AAGAB: variants seen among roughly 807,000 people sequenced by gnomAD.
AAGAB encodes the protein alpha and gamma adaptin binding protein.
In AAGAB, 38 loss-of-function variants were observed where a neutral mutation model predicts 44.1. The observed-to-expected ratio is 0.86, with a 90% CI of 0.67 to 1.13. AAGAB has a LOEUF of 1.13. Ranked by LOEUF, AAGAB falls within the 50% of genes most tolerant of loss-of-function variation. The pLI is 0.00. For missense variants in AAGAB, 450 were observed against 373.8 expected, an observed-to-expected ratio of 1.20 and a Z score of -1.68; for synonymous variants, 131 against 131.8, an observed-to-expected ratio of 0.99 and a Z score of 0.04.
chr15:67,249,090 A>G (rs1964798526), intron 1 of AAGAB, among the ~76,000 whole-genome samples: 1 of 152,106 alleles, frequency 6.6e-6, no homozygotes, highest in South Asian at 2.1e-4. Context: ...GCTGGAGTGC[A>G]GTGGCGTGAT....
chr15:67,240,574 C>G (rs1023468400), intron 1 of AAGAB, among the ~76,000 whole-genome samples: 3 of 152,176 alleles, frequency 2.0e-5, no homozygotes, highest in Admixed American at 6.5e-5. Context: ...AGTTAGATGC[C>G]AACCCAGTTC....
At chr15:67,206,262 C>G (rs1173753627) in intron 7 of AAGAB, among the ~76,000 whole-genome samples, 1 of 152,182 alleles carries the variant, frequency 6.6e-6, no homozygotes, top group Admixed American at 6.5e-5. Context: ...ATTACCTTCT[C>G]ACTGCATCCT....
chr15:67,203,849 G>T (rs747595295), intron 8 of AAGAB, among the ~76,000 whole-genome samples, 195 bp downstream of exon 8: 9 of 151,648 alleles, frequency 5.9e-5, no homozygotes, highest in Admixed American at 4.6e-4. Context: ...AAAGTAAAAA[G>T]AAAGAGAACG....
chr15:67,245,125 T>G (rs997386975), intron 1 of AAGAB, among the ~76,000 whole-genome samples: 8 of 152,058 alleles, frequency 5.3e-5, no homozygotes, highest in African/African-American at 1.9e-4. Context: ...CAAATATAAA[T>G]TTACCATATG....
chr15:67,232,266 AG>A (rs1964357369), intron 4 of AAGAB, among the ~76,000 whole-genome samples: 1 of 151,490 alleles, frequency 6.6e-6, no homozygotes, highest in Non-Finnish European at 1.5e-5. Flanking sequence ...AAAAAAAAAA[AG>A]TTACGTATAT....
chr15:67,235,477 C>T (rs993762476), intron 4 of AAGAB, among the ~76,000 whole-genome samples: 4 of 151,942 alleles, frequency 2.6e-5, no homozygotes, highest in African/African-American at 7.3e-5. Flanking sequence ...CCAGCAATAG[C>T]GGAGGACAGC....
rs149805395 is a variant in AAGAB, at chr15:67,245,433, T to C, written c.74-8613A>G. 6.6e-3 allele frequency among the ~76,000 whole-genome samples: 1,002 copies of C among 152,206 alleles called. 14 individuals are homozygous for C. Among genetic ancestry groups the C allele is most frequent in the African/African-American group, 0.023 (960 of 41,520 alleles). ...ATATAAAATGTGTAGAAAAGGCAAA[T>C]CTATAATGACAAAAAGTACATTAGT... On this transcript the variant is annotated intron_variant, in intron 1 of 9. Transcript: ENST00000261880.
At chr15:67,246,592 T>C (rs1964728478) in intron 1 of AAGAB, among the ~76,000 whole-genome samples, 1 of 152,184 alleles carries the variant, frequency 6.6e-6, no homozygotes, top group African/African-American at 2.4e-5. Flanking sequence ...CTAGACTTCC[T>C]GGGTCGAGTG....
At chr15:67,208,445 T>C in intron 7 of AAGAB, 117 bp downstream of exon 7, 1 of 792,130 alleles carries the variant, frequency 1.3e-6, no homozygotes, top group Non-Finnish European at 2.1e-6. Flanking sequence ...TGTGGTATAC[T>C]ACCAATTTTT....
At position 67,222,230 on chromosome 15, in the gene AAGAB, ACGCG is replaced by A. The variant is rs372896757; in HGVS notation, c.535+9580_535+9583del. On this transcript the variant is annotated intron_variant, in intron 5 of 9. Coordinates refer to ENST00000261880, the MANE Select transcript of AAGAB (RefSeq NM_024666.5). ...CTGATTACTACATGCATGCACGCGCACGCGCGCGCGCGCACACACACACACACAC... is the reference window on the plus strand; with the variant it reads ...CTGATTACTACATGCATGCACGCGCACGCGCGCGCACACACACACACACAC... 1.7e-3 allele frequency among the ~76,000 whole-genome samples: 226 copies of A among 133,842 alleles called. 1 individual carries two copies. The South Asian group carries it at 0.019, about 11-fold the overall frequency. 87.8% of individuals were successfully genotyped at this position (133,842 alleles called of 152,430 possible).
intron 5 of AAGAB, among the ~76,000 whole-genome samples, chr15:67,218,711 T>C (rs547633834): frequency 1.3e-5 from 2 of 152,322 alleles, no homozygotes; most frequent in South Asian, 2.1e-4. Flanking sequence ...GCAAAAAGCA[T>C]TGACCCAGTT....
At chr15:67,229,167 C>T (rs1486006574) in intron 5 of AAGAB, among the ~76,000 whole-genome samples, 2 of 152,168 alleles carry the variant, frequency 1.3e-5, no homozygotes, top group Non-Finnish European at 2.9e-5. Context: ...GGCGGGGTGG[C>T]TCACGCCTGT....
At chr15:67,255,068 T>C, upstream of AAGAB, 2 of 972,216 alleles carry the variant, frequency 2.1e-6, no homozygotes, top group Non-Finnish European at 3.2e-6. Flanking sequence ...TCCCTCCAAC[T>C]CGCGAGAGGC....
intron 5 of AAGAB, among the ~76,000 whole-genome samples, chr15:67,226,205 T>C (rs1329485214): frequency 6.6e-6 from 1 of 152,050 alleles, no homozygotes; most frequent in Non-Finnish European, 1.5e-5. Context: ...CAATCTTAGA[T>C]CATCACAGCA....
intron 1 of AAGAB, among the ~76,000 whole-genome samples, chr15:67,253,787 GTAGGTAGGT>G (rs1964971842): frequency 6.6e-6 from 1 of 151,748 alleles, no homozygotes; most frequent in South Asian, 2.1e-4. Flanking sequence ...AGGAAGGAAT[GTAGGTAGGT>G]TAGGTGACTT....
At chr15:67,249,927 T>C (rs1964822677) in intron 1 of AAGAB, among the ~76,000 whole-genome samples, 1 of 152,192 alleles carries the variant, frequency 6.6e-6, no homozygotes, top group Non-Finnish European at 1.5e-5. Flanking sequence ...CAGATATACA[T>C]ATAAATGCTT....
At chr15:67,245,699 T>C (rs1183594615) in intron 1 of AAGAB, among the ~76,000 whole-genome samples, 3 of 152,176 alleles carry the variant, frequency 2.0e-5, no homozygotes, top group Non-Finnish European at 4.4e-5. Flanking sequence ...GTGAGACACA[T>C]AATATTTTAG....
intron 5 of AAGAB, among the ~76,000 whole-genome samples, chr15:67,224,933 G>A: frequency 6.6e-6 from 1 of 152,170 alleles, no homozygotes; most frequent in African/African-American, 2.4e-5. Flanking sequence ...AGCAAGGTCA[G>A]GCAAGGGGCT....
At chr15:67,203,480 T>C in intron 9 of AAGAB, 68 bp downstream of exon 9, 2 of 1,307,480 alleles carry the variant, frequency 1.5e-6, no homozygotes, top group Non-Finnish European at 1.1e-6. Flanking sequence ...ACAAGTGTGA[T>C]ATATAATTAT....
Sources: allele counts gnomAD v4.1 joint callset (sites outside exome capture counted in the v4.1 genomes callset), GRCh38; gene constraint gnomAD v4.1.1; transcripts MANE v1.5; gene names NCBI Gene and HGNC (gene_info 2026-07-23, HGNC 2026-07-21).